The following TTC7B variants were observed in gnomAD, a reference collection of about 807,000 sequenced individuals.
TTC7B encodes tetratricopeptide repeat protein 7B.
In TTC7B, 28 loss-of-function variants were observed where a neutral mutation model predicts 106.8. That is an observed-to-expected ratio of 0.26 (90% CI 0.19 to 0.36). The LOEUF (loss-of-function observed/expected upper bound fraction) is 0.36. Ranked by LOEUF, TTC7B falls within the 10% of genes least tolerant of loss-of-function variation. The probability of loss-of-function intolerance (pLI) is 1.00; values close to 1 mark genes in which losing one functional copy is unlikely to be tolerated. For synonymous variants in TTC7B, 405 were observed against 430.6 expected, an observed-to-expected ratio of 0.94 and a Z score of 0.74; for missense variants, 862 against 1,076.4, an observed-to-expected ratio of 0.80 and a Z score of 2.79.
At chr14:90,615,910 C>A (rs1380308841) in intron 16 of TTC7B, among the ~76,000 whole-genome samples, 4 of 152,190 alleles carry the variant, frequency 2.6e-5, no homozygotes, top group African/African-American at 9.7e-5. Context: ...ATCCGCCAGT[C>A]CCCACCAGAC....
intron 9 of TTC7B, among the ~76,000 whole-genome samples, chr14:90,672,818 T>C (rs771879964): frequency 6.6e-6 from 1 of 152,208 alleles, no homozygotes; most frequent in Non-Finnish European, 1.5e-5. Flanking sequence ...CTCCTGTATA[T>C]ACAGTGGTAG....
chr14:90,719,297 A>T (rs186475658), intron 5 of TTC7B, among the ~76,000 whole-genome samples: 39 of 152,262 alleles, frequency 2.6e-4, no homozygotes, highest in Non-Finnish European at 4.6e-4. Context: ...AAAACAACAA[A>T]AATAACCTGA....
At position 90,767,049 on chromosome 14, in the gene TTC7B, A is replaced by G. The variant is rs1334500825; in HGVS notation, c.445+13689T>C. The G allele has an allele frequency of 9.6e-6, 8 of 834,696 alleles. No homozygotes were observed. The Admixed American group carries it at 2.3e-4, about 24-fold the overall frequency. 51.7% of individuals were successfully genotyped at this position (834,696 alleles called of 1,614,324 possible). On this transcript the variant is annotated intron_variant, in intron 3 of 19. Transcript: ENST00000328459. ...ATACCAAAAAAAAAAAAAAAAAGAA[A>G]GAAAGGAAGAAAAGAAATTCTGGGC...
chr14:90,556,197 G>A (rs1238258550), intron 19 of TTC7B, among the ~76,000 whole-genome samples: 1 of 152,234 alleles, frequency 6.6e-6, no homozygotes, highest in Admixed American at 6.5e-5. Context: ...GGGGCGGAGA[G>A]GAGACAGGAG....
rs150998375 is a variant in TTC7B, at chr14:90,802,503, G to A, written c.121+13672C>T. ...GCAGTGACAGAGGGGAAAGCTGGTC[G>A]AGTTAGTGGCATGAAACAAGGGAGT... On this transcript the variant is annotated intron_variant, in intron 1 of 19. Transcript: ENST00000328459. The surrounding 1 kb of genome is among the most constrained non-coding windows in gnomAD (Gnocchi z 4.7). Among the ~76,000 whole-genome samples the A allele has an allele frequency of 6.4e-3, 967 of 151,952 alleles. 4 individuals carry two copies. The highest frequency in any genetic ancestry group is 0.014 in the Middle Eastern group (4 of 294).
chr14:90,729,430 C>T (rs1251940008), intron 5 of TTC7B, among the ~76,000 whole-genome samples: 2 of 152,136 alleles, frequency 1.3e-5, no homozygotes, highest in Non-Finnish European at 2.9e-5. Context: ...GAACCAGATA[C>T]CTACTGTTGG....
intron 15 of TTC7B, among the ~76,000 whole-genome samples, chr14:90,626,451 G>A (rs1477633675): frequency 6.6e-6 from 1 of 152,160 alleles, no homozygotes; most frequent in African/African-American, 2.4e-5. Context: ...CACATCTCCA[G>A]TGAAGGAGCT....
At chr14:90,588,246 G>A (rs555002461) in intron 18 of TTC7B, among the ~76,000 whole-genome samples, 1 of 152,346 alleles carries the variant, frequency 6.6e-6, no homozygotes, top group South Asian at 2.1e-4. Context: ...GGCCAGGCCA[G>A]GGCCAAGGAA....
intron 3 of TTC7B, among the ~76,000 whole-genome samples, chr14:90,756,375 TTTTTTTTTGTTTTTTTTTTTTG>T (rs1317068715): frequency 3.8e-4 from 29 of 76,158 alleles, no homozygotes; most frequent in African/African-American, 1.3e-3. Flanking sequence ...TTTTCTTCTT[TTTTTTTTTGTTTTTTTTTTTTG>T]TTTTTTTGTT....
At position 90,800,033 on chromosome 14, in the gene TTC7B, C is replaced by T. The variant is rs572278453; in HGVS notation, c.122-13705G>A. 2.6e-5 allele frequency among the ~76,000 whole-genome samples: 4 copies of T among 152,006 alleles called. 1 individual carries two copies. The highest frequency in any genetic ancestry group is 5.9e-5 in the Non-Finnish European group (4 of 68,002). On this transcript the variant is annotated intron_variant, in intron 1 of 19. Transcript: ENST00000328459. ...ATTTTTAGTAGAGTCAGGGTTTCAC[C>T]GTGTTAGCCAGGATGGTCTCGATCT...
chr14:90,797,679 C>T (rs1282157951), intron 1 of TTC7B, among the ~76,000 whole-genome samples: 1 of 152,104 alleles, frequency 6.6e-6, no homozygotes, highest in African/African-American at 2.4e-5. Context: ...AACTGACATA[C>T]TCCCATACCA....
In TTC7B at chr14:90,802,930, CAGAAGTTCG is replaced by C. The variant is rs1306101982; in HGVS notation, c.121+13236_121+13244del. Among the ~76,000 whole-genome samples the C allele has an allele frequency of 6.7e-6, 1 of 148,320 alleles. No homozygotes were observed. Among genetic ancestry groups the C allele is most frequent in the South Asian group, 2.1e-4 (1 of 4,724 alleles). ...CCGAAGCAGGCGGATCACCTAAGGTCAGAAGTTCGAGACCAACATGGTGAAACCCCATCT... is the reference window on the plus strand; with the variant it reads ...CCGAAGCAGGCGGATCACCTAAGGTCAGACCAACATGGTGAAACCCCATCT... On this transcript the variant is annotated intron_variant, in intron 1 of 19. Coordinates refer to ENST00000328459, the MANE Select transcript of TTC7B (RefSeq NM_001010854.2). This position sits in a 1 kb window ranked among gnomAD's most constrained non-coding sequence, Gnocchi z 4.7.
chr14:90,541,825 GC>G (rs972663594), intron 19 of TTC7B, among the ~76,000 whole-genome samples: 4 of 152,372 alleles, frequency 2.6e-5, no homozygotes, highest in African/African-American at 9.6e-5. Flanking sequence ...TATAAAAATG[GC>G]AACTTCATAT....
intron 19 of TTC7B, among the ~76,000 whole-genome samples, chr14:90,558,792 C>A (rs1049317549): frequency 6.6e-6 from 1 of 152,174 alleles, no homozygotes; most frequent in African/African-American, 2.4e-5. Flanking sequence ...CAGAAACGGG[C>A]GGCTTGCCAG....
intron 1 of TTC7B, among the ~76,000 whole-genome samples, chr14:90,791,141 T>A (rs1361940628): frequency 1.3e-5 from 2 of 152,136 alleles, no homozygotes; most frequent in Non-Finnish European, 2.9e-5. Context: ...TTTGGAATGT[T>A]CTGGCATCCT....
At chr14:90,776,144 C>CACACACAT (rs1891021970) in intron 3 of TTC7B, among the ~76,000 whole-genome samples, 1 of 112,116 alleles carries the variant, frequency 8.9e-6, no homozygotes. Flanking sequence ...CCCCGTGACA[C>CACACACAT]ACACACACAC....
chr14:90,745,027 TG>T, intron 3 of TTC7B, 105 bp from the exon 4 acceptor site: 1 of 1,127,866 alleles, frequency 8.9e-7, no homozygotes, highest in South Asian at 1.4e-5. Context: ...AATATCATGT[TG>T]TTTGCAAATA....
At chr14:90,636,425 G>C (rs1210945693) in intron 15 of TTC7B, among the ~76,000 whole-genome samples, 1 of 80,424 alleles carries the variant, frequency 1.2e-5, no homozygotes, top group African/African-American at 3.8e-5. Context: ...ATAACGATGT[G>C]GTAAAAAAAA....
intron 18 of TTC7B, among the ~76,000 whole-genome samples, chr14:90,591,935 C>T (rs1328347671): frequency 1.3e-5 from 2 of 152,204 alleles, no homozygotes; most frequent in African/African-American, 2.4e-5. Flanking sequence ...ATGCTGCAGG[C>T]GTCTGCAGCA....
Sources: gnomAD v4.1 joint callset for allele counts (sites outside exome capture counted in the v4.1 genomes callset) on GRCh38, gnomAD v4.1.1 for gene constraint, Gnocchi (gnomAD v3.1) non-coding constraint, MANE v1.5 for transcripts, NCBI Gene and HGNC (gene_info 2026-07-23, HGNC 2026-07-21) for gene names.